LRRC7: variants seen among roughly 807,000 people sequenced by gnomAD.
LRRC7 encodes the protein leucine rich repeat containing 7.
LRRC7 carries 23 observed loss-of-function variants against 175.7 expected under a neutral mutation model. That is an observed-to-expected ratio of 0.13 (90% CI 0.09 to 0.19). LRRC7 has a LOEUF of 0.19. LRRC7 is among the 10% of genes least tolerant of loss of function. The probability of loss-of-function intolerance (pLI) is 1.00; values close to 1 mark genes in which losing one functional copy is unlikely to be tolerated. For synonymous variants in LRRC7, 685 were observed against 680.9 expected (o/e 1.01, Z -0.09); for missense variants, 1,354 against 1,904.7 (o/e 0.71, Z 5.38).
At position 70,142,119 on chromosome 1, in the gene LRRC7, C is replaced by G. The variant is rs1038085665; in HGVS notation, c.*20232C>G. The G allele has an allele frequency of 6.6e-6, 1 of 152,100 alleles. No individual in the cohort carries two copies. Among genetic ancestry groups the G allele is most frequent in the Non-Finnish European group, 1.5e-5 (1 of 67,982 alleles). The allele number at this position is 152,100 out of a possible 1,614,324, so 9.4% of individuals were successfully genotyped here. On this transcript the variant is annotated 3_prime_UTR_variant, in exon 27 of 27. Coordinates refer to ENST00000651989, the MANE Select transcript of LRRC7 (RefSeq NM_001370785.2). ...AAACTCTCAGGCAGACAACATAAAG[C>G]AGCTCCCATATCTGCTAGAAAGGTC...
Position 69,825,740 on chromosome 1 carries a change from C to T in LRRC7, c.422-8C>T. On this transcript the variant is annotated splice_region_variant and splice_polypyrimidine_tract_variant and intron_variant, in intron 4 of 26. Transcript: ENST00000651989. ...ATTTTCATGTACTTTGTTTTTTTCA[C>T]ATTTTAGGTGTACAAGAATTTCCAG... 1.9e-6 allele frequency: 3 copies of T among 1,577,918 alleles called. No homozygotes were observed. Among genetic ancestry groups the T allele is most frequent in the South Asian group, 1.2e-5 (1 of 86,492 alleles).
At chr1:69,916,262 A>G (rs973099825) in intron 7 of LRRC7, among the ~76,000 whole-genome samples, 2 of 133,968 alleles carry the variant, frequency 1.5e-5, no homozygotes, top group Non-Finnish European at 3.1e-5. Flanking sequence ...AAATATAAAT[A>G]TAAAATATAA....
chr1:69,976,489 C>T (rs1652834018), intron 8 of LRRC7, among the ~76,000 whole-genome samples: 1 of 152,244 alleles, frequency 6.6e-6, no homozygotes, highest in Non-Finnish European at 1.5e-5. Context: ...GCAACACCCT[C>T]ACAGACACCC....
intron 24 of LRRC7, among the ~76,000 whole-genome samples, chr1:70,078,150 C>T (rs578255111): frequency 2.0e-5 from 3 of 152,216 alleles, no homozygotes; most frequent in Admixed American, 1.3e-4. Context: ...CTTGATTACA[C>T]GTTCTGTGCA....
rs1424832138 is a variant in LRRC7, at chr1:69,568,084, G to A, written c.-556G>A. 6.6e-6 allele frequency among the ~76,000 whole-genome samples: 1 copy of A among 152,110 alleles called. No homozygotes were observed. The highest frequency in any genetic ancestry group is 1.5e-5 in the Non-Finnish European group (1 of 68,024). ...GCCACCGCCACCGCCTCCTGCAGTT[G>A]CGGAGCGCTCAGCCCCTCCGAGACG... is the stretch of plus-strand genomic sequence containing the variant. On this transcript the variant is annotated 5_prime_UTR_variant, in exon 1 of 27. Transcript: ENST00000651989.
At chr1:69,950,994 A>C (rs1649852041) in intron 8 of LRRC7, among the ~76,000 whole-genome samples, 1 of 151,882 alleles carries the variant, frequency 6.6e-6, no homozygotes. Context: ...TGTCTAAATA[A>C]TAGAGAGTAA....
chr1:69,771,798 T>A (rs899310923), intron 3 of LRRC7, among the ~76,000 whole-genome samples: 1 of 151,900 alleles, frequency 6.6e-6, no homozygotes, highest in Admixed American at 6.6e-5. Flanking sequence ...AAAATAAAAG[T>A]GTTAGGTGAT....
chr1:69,765,753 A>T (rs185583504), intron 3 of LRRC7, among the ~76,000 whole-genome samples: 20 of 152,182 alleles, frequency 1.3e-4, no homozygotes, highest in Admixed American at 3.9e-4. Context: ...AAACTCAGGT[A>T]CTTGCTTAAG....
intron 8 of LRRC7, among the ~76,000 whole-genome samples, chr1:69,932,051 G>A (rs953786968): frequency 1.3e-5 from 2 of 152,166 alleles, no homozygotes; most frequent in Non-Finnish European, 2.9e-5. Flanking sequence ...CGTCTTTCTA[G>A]TGAACCCATA....
At chr1:70,018,661 A>G (rs1402793247) in intron 14 of LRRC7, 58 bp from the exon 15 acceptor site, 1 of 1,203,916 alleles carries the variant, frequency 8.3e-7, no homozygotes, top group Non-Finnish European at 1.2e-6. Context: ...AGACCAGACT[A>G]TTGACTGTTA....
chr1:69,580,208 A>T (rs1646139202), intron 1 of LRRC7, among the ~76,000 whole-genome samples: 1 of 152,174 alleles, frequency 6.6e-6, no homozygotes. Context: ...GGTAAGTGAA[A>T]TCCTATTCTA....
At chr1:69,919,455 G>A (rs1156422203) in intron 7 of LRRC7, 4 of 986,962 alleles carry the variant, frequency 4.1e-6, no homozygotes, top group Non-Finnish European at 6.2e-6. Context: ...ACCCCAGCCA[G>A]TGGGAGCGGC....
At chr1:69,727,837 T>C (rs1017708046) in intron 2 of LRRC7, among the ~76,000 whole-genome samples, 4 of 152,202 alleles carry the variant, frequency 2.6e-5, no homozygotes, top group Non-Finnish European at 1.5e-5. Flanking sequence ...AATCTTATGT[T>C]CATAAATATA....
chr1:69,717,810 G>GAAAGAAAGAAAGAAAGAAAGAAAT (rs1665617523), intron 2 of LRRC7, among the ~76,000 whole-genome samples: 1 of 24,268 alleles, frequency 4.1e-5, no homozygotes. Flanking sequence ...AAGAAAGAAA[G>GAAAGAAAGAAAGAAAGAAAGAAAT]AAAGAAAGAA....
At chr1:69,709,250 T>C (rs978718361) in intron 2 of LRRC7, among the ~76,000 whole-genome samples, 2 of 152,250 alleles carry the variant, frequency 1.3e-5, no homozygotes, top group African/African-American at 4.8e-5. Flanking sequence ...TGAGAGGCTC[T>C]CATTTGTAGC....
chr1:69,612,432 C>G (rs1260908417), intron 1 of LRRC7, among the ~76,000 whole-genome samples: 1 of 152,000 alleles, frequency 6.6e-6, no homozygotes, highest in Non-Finnish European at 1.5e-5. Flanking sequence ...ACTGGACATT[C>G]TGCTGTATGC....
chr1:69,713,981 C>A (rs1363237254), intron 2 of LRRC7, among the ~76,000 whole-genome samples: 1 of 151,992 alleles, frequency 6.6e-6, no homozygotes, highest in Non-Finnish European at 1.5e-5. Flanking sequence ...TCTTATTAAT[C>A]CCAAAGCTAA....
Position 69,630,610 on chromosome 1 carries a change from T to C in LRRC7, c.3-47771T>C, listed in dbSNP as rs1652335983. On this transcript the variant is annotated intron_variant, in intron 1 of 26. Transcript: ENST00000651989. ...ACATGCTTTTGATTAATCATTTTAC[T>C]TCAGTTTCAATTTTTTATTGATTAA... 2.0e-5 allele frequency among the ~76,000 whole-genome samples: 3 copies of C among 148,020 alleles called. No individual in the cohort carries two copies. In the Admixed American group the frequency reaches 2.1e-4, roughly 10 times the overall value.
At chr1:69,819,952 G>A (rs1320688546) in intron 4 of LRRC7, among the ~76,000 whole-genome samples, 1 of 151,978 alleles carries the variant, frequency 6.6e-6, no homozygotes, top group African/African-American at 2.4e-5. Flanking sequence ...TCAAGCACGT[G>A]TAGTTGGGTC....
Sources: allele counts gnomAD v4.1 joint callset (sites outside exome capture counted in the v4.1 genomes callset), GRCh38; gene constraint gnomAD v4.1.1; transcripts MANE v1.5; gene names NCBI Gene and HGNC (gene_info 2026-07-23, HGNC 2026-07-21).